The following LTV1 variants were observed in gnomAD, a reference collection of about 807,000 sequenced individuals.
The protein encoded by LTV1 is protein LTV1 homolog.
A neutral mutation model predicts 59.9 loss-of-function variants in LTV1; 39 were observed. That is an observed-to-expected ratio of 0.65 (90% CI 0.50 to 0.85). LTV1 has a LOEUF of 0.85. Among genes scored for constraint, LTV1 ranks in the 40% least tolerant of loss-of-function variants. LTV1 has a pLI of 0.00. For synonymous variants in LTV1, 171 were observed against 189.5 expected (o/e 0.90, Z 0.80); for missense variants, 493 against 549.1 (o/e 0.90, Z 1.02).
At chr6:143,844,215 C>T (rs1217978882) in intron 1 of LTV1, among the ~76,000 whole-genome samples, 1 of 152,184 alleles carries the variant, frequency 6.6e-6, no homozygotes, top group East Asian at 1.9e-4. Context: ...GATTTTCTTG[C>T]TAAGAACAGG....
At chr6:143,851,509 T>C (rs1183643202) in intron 4 of LTV1, among the ~76,000 whole-genome samples, 1 of 152,186 alleles carries the variant, frequency 6.6e-6, no homozygotes, top group Non-Finnish European at 1.5e-5. Flanking sequence ...TTAAACATTA[T>C]AGATGTTTAA....
At chr6:143,850,467 TA>T (rs1453493905) in intron 4 of LTV1, among the ~76,000 whole-genome samples, 3 of 152,304 alleles carry the variant, frequency 2.0e-5, no homozygotes, top group East Asian at 3.9e-4. Flanking sequence ...GTAATCTAGT[TA>T]GGGGAATTGT....
chr6:143,846,801 T>C (rs1468148866), intron 3 of LTV1, among the ~76,000 whole-genome samples: 2 of 152,226 alleles, frequency 1.3e-5, no homozygotes, highest in African/African-American at 4.8e-5. Flanking sequence ...AGAATGCCCA[T>C]GTTGTATGCC....
rs202091122 is a variant in LTV1, at chr6:143,846,159, A to G, written c.244A>G (p.Ile82Val). ...LKEPSGPSEL[I>V]PSSTFSAHNR... ...GGAACCATCTGGGCCTTCAGAGCTTATTCCCTCAAGTACCTTCAGTGCACA... is the reference window on the plus strand; with the variant it reads ...GGAACCATCTGGGCCTTCAGAGCTTGTTCCCTCAAGTACCTTCAGTGCACA... Residue 82 changes from isoleucine (I) to valine (V), a missense_variant, in exon 3 of 11, where the codon ATT becomes GTT. Coordinates refer to ENST00000367576, the MANE Select transcript of LTV1 (RefSeq NM_032860.5). 3 of 1,614,240 alleles carry G rather than the reference A, an allele frequency of 1.9e-6. No individual in the cohort carries two copies. Among genetic ancestry groups the G allele is most frequent in the Non-Finnish European group, 2.5e-6 (3 of 1,180,036 alleles).
chr6:143,843,790 C>T (rs547358034), intron 1 of LTV1, among the ~76,000 whole-genome samples: 1 of 152,334 alleles, frequency 6.6e-6, no homozygotes, highest in South Asian at 2.1e-4. Context: ...AAACGCGCAA[C>T]CCTGTGCTTC....
chr6:143,847,944 A>G (rs1180444680), intron 3 of LTV1, among the ~76,000 whole-genome samples: 9 of 152,230 alleles, frequency 5.9e-5, no homozygotes, highest in Non-Finnish European at 1.2e-4. Context: ...GTAAAAAGGC[A>G]GTATAGAAAT....
rs1476507696 is a variant in LTV1, at chr6:143,863,631, G to C, written c.*104G>C. Reference sequence around the variant, plus strand: ...AAACTGTTTGCCATTTTTACTGGCAGATAAGAGGAAAATACAATATTTGTA... The same window carrying C: ...AAACTGTTTGCCATTTTTACTGGCACATAAGAGGAAAATACAATATTTGTA... On this transcript the variant is annotated 3_prime_UTR_variant, in exon 11 of 11. Transcript: ENST00000367576. The surrounding 1 kb of genome is among the most constrained non-coding windows in gnomAD (Gnocchi z 4.5). 1 of 641,602 alleles carries C rather than the reference G, an allele frequency of 1.6e-6. No individual in the cohort carries two copies. Among genetic ancestry groups the C allele is most frequent in the African/African-American group, 1.8e-5 (1 of 54,844 alleles). The allele number at this position is 641,602 out of a possible 1,614,324, so 39.7% of individuals were successfully genotyped here. A position where few individuals can be genotyped will look rare whatever the true frequency, so the allele number is the denominator to read the frequency against.
intron 1 of LTV1, among the ~76,000 whole-genome samples, chr6:143,843,844 A>C (rs1251598327): frequency 2.6e-5 from 4 of 152,184 alleles, no homozygotes; most frequent in African/African-American, 9.7e-5. Context: ...TCAGCGTTGG[A>C]GTGGCAGGTG....
At position 143,863,098 on chromosome 6, in the gene LTV1, C is replaced by T. The variant is rs201919461; in HGVS notation, c.1129C>T (p.Arg377Ter). The change falls in exon 10 of 11, where the codon CGA (arginine) becomes TGA (stop). Residue 377 changes from arginine to a stop codon, truncating the protein, a stop_gained. Transcript: ENST00000367576. LOFTEE classifies it high-confidence loss of function. The surrounding 1 kb of genome is among the most constrained non-coding windows in gnomAD (Gnocchi z 4.5). ...ATCTGTATTTCAGCCCAAACAAATT[C>T]GAATATCTTCTAAAACAGGAATACC... ...IKYQPKPKQI[R>*]ISSKTGIPLN... The T allele has an allele frequency of 3.5e-5, 57 of 1,613,266 alleles. No homozygotes were observed. Among genetic ancestry groups the T allele is most frequent in the South Asian group, 2.0e-4 (18 of 90,970 alleles).
intron 4 of LTV1, among the ~76,000 whole-genome samples, chr6:143,856,042 A>T (rs1027057713): frequency 2.6e-5 from 4 of 152,064 alleles, no homozygotes; most frequent in Non-Finnish European, 4.4e-5. Context: ...ACTTGGTTCC[A>T]TTCTCCCTAT....
In LTV1 at chr6:143,857,725, G is replaced by A. The variant is rs1277578691; in HGVS notation, c.540-27G>A. On this transcript the variant is annotated intron_variant, in intron 5 of 10. Transcript: ENST00000367576. This position sits in a 1 kb window ranked among gnomAD's most constrained non-coding sequence, Gnocchi z 5.2. Reference sequence around the variant, plus strand: ...TTCTGTTACTTTTTAAGTTGTTTTGGTAGGTAATTTATGACCTTTACTTTA... The same window carrying A: ...TTCTGTTACTTTTTAAGTTGTTTTGATAGGTAATTTATGACCTTTACTTTA... 3.1e-6 allele frequency: 5 copies of A among 1,611,228 alleles called. No homozygotes were observed. In the Admixed American group the frequency reaches 5.0e-5, roughly 16 times the overall value.
intron 4 of LTV1, among the ~76,000 whole-genome samples, chr6:143,850,536 T>G (rs938462871): frequency 6.6e-6 from 1 of 152,228 alleles, no homozygotes. Flanking sequence ...ACTTGTAGTG[T>G]AATTTTGAAA....
In LTV1 at chr6:143,862,310, G is replaced by A. The variant is rs112556952; in HGVS notation, c.1063+67G>A. 5.2e-5 allele frequency: 73 copies of A among 1,413,724 alleles called. 1 individual carries two copies. The African/African-American group carries it at 6.6e-4, about 13-fold the overall frequency. The allele number at this position is 1,413,724 out of a possible 1,614,324, so 87.6% of individuals were successfully genotyped here. On this transcript the variant is annotated intron_variant, in intron 8 of 10. Transcript: ENST00000367576. The surrounding 1 kb of genome is among the most constrained non-coding windows in gnomAD (Gnocchi z 4.2). ...AGTATATCAACTTTAGGCTGGGTGC[G>A]GTGCCTCACGCCTGTAGTAATCCCA...
intron 7 of LTV1, among the ~76,000 whole-genome samples, chr6:143,860,848 G>A (rs989324658): frequency 2.0e-5 from 3 of 151,934 alleles, no homozygotes; most frequent in Admixed American, 6.6e-5. Context: ...CACTTTCTCC[G>A]TATCTTTGAC....
intron 1 of LTV1, 89 bp downstream of exon 1, chr6:143,843,569 C>G: frequency 6.4e-7 from 1 of 1,550,900 alleles, no homozygotes; most frequent in Non-Finnish European, 8.9e-7. Context: ...TACTGCGGCC[C>G]GGGTCTGGGT....
chr6:143,856,573 T>C (rs1777080262), intron 4 of LTV1, among the ~76,000 whole-genome samples: 1 of 152,238 alleles, frequency 6.6e-6, no homozygotes, highest in South Asian at 2.1e-4. Flanking sequence ...TTCTTGGATT[T>C]ATCTACCTTT....
At chr6:143,845,332 T>C (rs1776874067) in intron 2 of LTV1, among the ~76,000 whole-genome samples, 1 of 151,688 alleles carries the variant, frequency 6.6e-6, no homozygotes. Flanking sequence ...TAAAGCCAGT[T>C]TTGTTGTATG....
intron 3 of LTV1, among the ~76,000 whole-genome samples, chr6:143,848,734 C>T (rs1038928658): frequency 6.6e-6 from 1 of 152,068 alleles, no homozygotes; most frequent in East Asian, 1.9e-4. Flanking sequence ...GTGAAGAAGG[C>T]GGGAAGTTCA....
intron 4 of LTV1, among the ~76,000 whole-genome samples, chr6:143,853,422 A>C (rs1362667865): frequency 6.6e-6 from 1 of 152,190 alleles, no homozygotes. Flanking sequence ...AAACAGAGAC[A>C]ATTTGACTTC....
Sources: allele counts gnomAD v4.1 joint callset (sites outside exome capture counted in the v4.1 genomes callset), GRCh38; gene constraint gnomAD v4.1.1; non-coding constraint Gnocchi (gnomAD v3.1); transcripts MANE v1.5; gene names NCBI Gene and HGNC (gene_info 2026-07-23, HGNC 2026-07-21).